The following ZNF208 variants were observed in gnomAD, a reference collection of about 807,000 sequenced individuals.
ZNF208 encodes zinc finger protein 95.
Under a neutral mutation model 12.1 loss-of-function variants are expected in ZNF208, and 10 were observed. The ratio of observed to expected loss-of-function variants is 0.83; its 90% CI spans 0.51 to 1.40. The LOEUF is 1.40. ZNF208 is among the 40% of genes most tolerant of loss of function. The probability of loss-of-function intolerance (pLI) is 0.00; values close to 1 mark genes in which losing one functional copy is unlikely to be tolerated. For missense variants in ZNF208, 1,652 were observed against 1,485.0 expected, an observed-to-expected ratio of 1.11 and a Z score of -1.85; for synonymous variants, 497 against 488.4, an observed-to-expected ratio of 1.02 and a Z score of -0.23.
At chr19:21,959,727 T>C (rs1157537951) in intron 4 of ZNF208, among the ~76,000 whole-genome samples, 1 of 152,122 alleles carries the variant, frequency 6.6e-6, no homozygotes, top group Non-Finnish European at 1.5e-5. Context: ...AGCATAACTA[T>C]TGCACAAGAA....
chr19:22,000,849 TAA>T (rs531039337), intron 1 of ZNF208, among the ~76,000 whole-genome samples: 2 of 151,238 alleles, frequency 1.3e-5, no homozygotes, highest in East Asian at 1.9e-4. Context: ...CAATTAGAAA[TAA>T]AAAAAAGAGA....
intron 4 of ZNF208, among the ~76,000 whole-genome samples, chr19:21,957,779 A>G (rs1258488734): frequency 1.3e-5 from 2 of 152,074 alleles, no homozygotes; most frequent in Admixed American, 1.3e-4. Flanking sequence ...AATAAAGTCT[A>G]TTTTGCAAAC....
At chr19:21,962,038 C>T (rs185846677), downstream of ZNF208, among the ~76,000 whole-genome samples, 160 of 152,186 alleles carry the variant, frequency 1.1e-3, 1 homozygote, top group Non-Finnish European at 1.5e-3. Flanking sequence ...TATTTGGGAT[C>T]TGATAAATGT....
intron 4 of ZNF208, among the ~76,000 whole-genome samples, chr19:21,946,891 C>G (rs1969821492): frequency 6.6e-6 from 1 of 152,086 alleles, no homozygotes; most frequent in Non-Finnish European, 1.5e-5. Context: ...AGCCCTTGGA[C>G]CAACTCCAGT....
chr19:21,955,366 T>C (rs573591774), intron 4 of ZNF208, among the ~76,000 whole-genome samples: 2 of 152,228 alleles, frequency 1.3e-5, no homozygotes, highest in African/African-American at 4.8e-5. Context: ...TGAATTTGAA[T>C]GTTGGCCTGC....
At chr19:21,980,196 G>A (rs1970510516) in intron 3 of ZNF208, among the ~76,000 whole-genome samples, 2 of 152,136 alleles carry the variant, frequency 1.3e-5, no homozygotes, top group South Asian at 4.1e-4. Context: ...AGGATATTCA[G>A]GACTTGAACT....
chr19:21,992,755 GA>G (rs1206774425), intron 1 of ZNF208, among the ~76,000 whole-genome samples: 1 of 152,134 alleles, frequency 6.6e-6, no homozygotes, highest in Admixed American at 6.6e-5. Context: ...CTGGTATACA[GA>G]AAAAATATAT....
intron 4 of ZNF208, among the ~76,000 whole-genome samples, chr19:21,955,865 T>C (rs993838015): frequency 6.6e-6 from 1 of 152,232 alleles, no homozygotes; most frequent in Non-Finnish European, 1.5e-5. Context: ...TCCAGCTTTG[T>C]TTCTTTGCTG....
chr19:21,977,803 C>T (rs959461222), intron 3 of ZNF208, among the ~76,000 whole-genome samples: 8 of 152,308 alleles, frequency 5.3e-5, no homozygotes, highest in Middle Eastern at 3.4e-3. Flanking sequence ...TTCCCACAAC[C>T]AGGGAGCCCA....
chr19:21,959,157 G>A (rs1353765405), intron 4 of ZNF208, among the ~76,000 whole-genome samples: 1 of 151,974 alleles, frequency 6.6e-6, no homozygotes, highest in East Asian at 1.9e-4. Context: ...ATCAAGGACA[G>A]GACCCTGGAT....
intron 1 of ZNF208, among the ~76,000 whole-genome samples, chr19:21,990,520 G>T (rs1568452859): frequency 6.6e-6 from 1 of 151,914 alleles, no homozygotes; most frequent in Non-Finnish European, 1.5e-5. Context: ...TTGAAGTCAG[G>T]TAGCGTGATG....
rs563713391 is a variant in ZNF208, at chr19:21,970,185, A to G, written c.*1006T>C. Among the ~76,000 whole-genome samples the G allele has an allele frequency of 1.3e-5, 2 of 152,302 alleles. No individual in the cohort carries two copies. The highest frequency in any genetic ancestry group is 3.9e-4 in the East Asian group (2 of 5,180). On this transcript the variant is annotated 3_prime_UTR_variant, in exon 4 of 4. Transcript: ENST00000397126. ...GCATTGTCACATCTTTCAGGTTTGTAGAGTCTCTCTTGTGTATGAATTAGC... is the reference window on the plus strand; with the variant it reads ...GCATTGTCACATCTTTCAGGTTTGTGGAGTCTCTCTTGTGTATGAATTAGC...
intron 1 of ZNF208, among the ~76,000 whole-genome samples, chr19:22,004,965 G>A (rs1473948500): frequency 6.6e-6 from 1 of 152,198 alleles, no homozygotes; most frequent in African/African-American, 2.4e-5. Context: ...GTGCAATGCA[G>A]GTGGAAGGAC....
chr19:21,946,945 T>C (rs1200371806), intron 4 of ZNF208, among the ~76,000 whole-genome samples: 1 of 151,346 alleles, frequency 6.6e-6, no homozygotes, highest in Admixed American at 6.6e-5. Flanking sequence ...CTTCCAGTCT[T>C]TTTTTTTTCA....
At chr19:21,999,853 G>C (rs1393616508) in intron 1 of ZNF208, among the ~76,000 whole-genome samples, 2 of 152,148 alleles carry the variant, frequency 1.3e-5, no homozygotes, top group African/African-American at 4.8e-5. Flanking sequence ...AAATCAGCAA[G>C]TTATCCTCCC....
intron 3 of ZNF208, among the ~76,000 whole-genome samples, chr19:21,979,752 G>C (rs1970501642): frequency 6.6e-6 from 1 of 152,042 alleles, no homozygotes; most frequent in African/African-American, 2.4e-5. Flanking sequence ...AATGTAAACA[G>C]GCTAAATGCC....
chr19:21,949,123 G>A (rs559567620), intron 4 of ZNF208, among the ~76,000 whole-genome samples: 99 of 152,246 alleles, frequency 6.5e-4, no homozygotes, highest in African/African-American at 2.3e-3. Flanking sequence ...GTTCTGATAT[G>A]ACAAAAAAGG....
chr19:21,978,238 C>G (rs1266231096), intron 3 of ZNF208, among the ~76,000 whole-genome samples: 3 of 152,168 alleles, frequency 2.0e-5, no homozygotes, highest in African/African-American at 7.2e-5. Flanking sequence ...GGTCAGACTG[C>G]CACCTCAAGT....
intron 4 of ZNF208, among the ~76,000 whole-genome samples, chr19:21,953,769 T>C (rs1252101604): frequency 1.3e-5 from 2 of 151,800 alleles, no homozygotes; most frequent in Non-Finnish European, 1.5e-5. Context: ...ATTTTGTTGA[T>C]CTTTTCAATA....
Sources: allele counts gnomAD v4.1 joint callset (sites outside exome capture counted in the v4.1 genomes callset), GRCh38; gene constraint gnomAD v4.1.1; transcripts MANE v1.5; gene names NCBI Gene and HGNC (gene_info 2026-07-23, HGNC 2026-07-21).